Variants in NOCT observed in about 807,000 individuals in gnomAD.
NOCT encodes the protein CCR4 carbon catabolite repression 4-like.
Under a neutral mutation model 35.0 loss-of-function variants are expected in NOCT, and 18 were observed. That is an observed-to-expected ratio of 0.51 (90% CI 0.36 to 0.76). NOCT has a LOEUF of 0.76. Among genes scored for constraint, NOCT ranks in the 30% least tolerant of loss-of-function variants. NOCT has a pLI of 0.01. For synonymous variants in NOCT, 235 were observed against 226.3 expected, an observed-to-expected ratio of 1.04 and a Z score of -0.34; for missense variants, 479 against 541.0, an observed-to-expected ratio of 0.89 and a Z score of 1.14.
intron 1 of NOCT, among the ~76,000 whole-genome samples, chr4:139,021,522 A>G (rs988300727): frequency 5.9e-5 from 9 of 152,096 alleles, no homozygotes; most frequent in Non-Finnish European, 1.3e-4. Context: ...CAAAGAAAAA[A>G]AAAAGGGAAG....
At chr4:139,017,227 T>C (rs1325614801) in intron 1 of NOCT, among the ~76,000 whole-genome samples, 2 of 142,394 alleles carry the variant, frequency 1.4e-5, no homozygotes, top group African/African-American at 2.7e-5. Flanking sequence ...ATACATAACT[T>C]TTTTTTTTTT....
chr4:139,023,607 T>A (rs940955284), intron 1 of NOCT, among the ~76,000 whole-genome samples: 1 of 152,178 alleles, frequency 6.6e-6, no homozygotes, highest in Non-Finnish European at 1.5e-5. Flanking sequence ...GCGATTCTCC[T>A]GCCTCAGCCT....
chr4:139,029,724 C>T (rs1019714959), intron 1 of NOCT, among the ~76,000 whole-genome samples: 5 of 152,098 alleles, frequency 3.3e-5, no homozygotes, highest in East Asian at 1.9e-4. Context: ...ACTTAGAATC[C>T]AGTCTCTAGG....
At chr4:139,023,458 G>A (rs757443339) in intron 1 of NOCT, among the ~76,000 whole-genome samples, 1 of 152,124 alleles carries the variant, frequency 6.6e-6, no homozygotes, top group Non-Finnish European at 1.5e-5. Flanking sequence ...AATCTTGTAG[G>A]TCAAATAGAC....
chr4:139,022,666 A>G (rs1397594693), intron 1 of NOCT, among the ~76,000 whole-genome samples: 1 of 152,216 alleles, frequency 6.6e-6, no homozygotes, highest in African/African-American at 2.4e-5. Flanking sequence ...TCCAAAAGTT[A>G]GAGACCACTG....
intron 1 of NOCT, among the ~76,000 whole-genome samples, chr4:139,031,875 G>A (rs561472111): frequency 6.6e-6 from 1 of 152,090 alleles, no homozygotes; most frequent in African/African-American, 2.4e-5. Context: ...ACCACGCCCG[G>A]CTAATTTTTG....
At chr4:139,027,550 A>C (rs975461969) in intron 1 of NOCT, among the ~76,000 whole-genome samples, 1 of 151,678 alleles carries the variant, frequency 6.6e-6, no homozygotes, top group African/African-American at 2.4e-5. Flanking sequence ...CCCAGGCTGG[A>C]GTGCAGTGGC....
chr4:139,032,564 A>C (rs140308715), intron 1 of NOCT, among the ~76,000 whole-genome samples: 2 of 152,358 alleles, frequency 1.3e-5, no homozygotes, highest in East Asian at 3.9e-4. Context: ...TTGTGAGCAG[A>C]AGCCAAATAT....
intron 1 of NOCT, among the ~76,000 whole-genome samples, chr4:139,036,748 TAAC>T (rs1726744480): frequency 6.6e-6 from 1 of 152,114 alleles, no homozygotes; most frequent in African/African-American, 2.4e-5. Flanking sequence ...CTCAGTGACT[TAAC>T]AAAACTCAGA....
At chr4:139,026,516 C>T (rs1397204297) in intron 1 of NOCT, among the ~76,000 whole-genome samples, 1 of 151,740 alleles carries the variant, frequency 6.6e-6, no homozygotes, top group Non-Finnish European at 1.5e-5. Flanking sequence ...GTATGTGTCA[C>T]CATGTTTGGC....
intron 1 of NOCT, among the ~76,000 whole-genome samples, chr4:139,018,742 A>G (rs1182648960): frequency 3.3e-5 from 5 of 152,254 alleles, no homozygotes; most frequent in Non-Finnish European, 7.3e-5. Flanking sequence ...AGATTTGCAC[A>G]ATGAAATGGC....
chr4:139,027,967 C>T (rs1292435510), intron 1 of NOCT: 1 of 152,090 alleles, frequency 6.6e-6, no homozygotes, highest in South Asian at 2.1e-4. Context: ...GGGTCACAGT[C>T]GGTAGATCCC....
intron 1 of NOCT, among the ~76,000 whole-genome samples, chr4:139,034,107 G>A (rs925402946): frequency 6.6e-6 from 1 of 152,180 alleles, no homozygotes; most frequent in Admixed American, 6.5e-5. Flanking sequence ...CAAAGGGCTG[G>A]CATCTGGTAA....
chr4:139,043,606 G>A (rs1278721786), intron 2 of NOCT: 11 of 360,374 alleles, frequency 3.1e-5, no homozygotes, highest in East Asian at 9.8e-5. Flanking sequence ...AATAAACCAC[G>A]AGTTACTTGC....
intron 1 of NOCT, among the ~76,000 whole-genome samples, chr4:139,025,151 A>T (rs1416859066): frequency 6.6e-6 from 1 of 152,068 alleles, no homozygotes; most frequent in Admixed American, 6.6e-5. Context: ...TAAGGCTATC[A>T]CCCATTTTCT....
chr4:139,032,685 T>C (rs1005859842), intron 1 of NOCT, among the ~76,000 whole-genome samples: 3 of 152,142 alleles, frequency 2.0e-5, no homozygotes, highest in African/African-American at 7.2e-5. Context: ...CTTTTCAGTA[T>C]CTTAATTGCC....
intron 1 of NOCT, among the ~76,000 whole-genome samples, chr4:139,039,745 T>C (rs142569706): frequency 1.3e-5 from 2 of 152,348 alleles, no homozygotes; most frequent in Non-Finnish European, 2.9e-5. Flanking sequence ...TTGTTTTGTT[T>C]TGAGATGGAG....
At chr4:139,021,522 A>T (rs988300727) in intron 1 of NOCT, among the ~76,000 whole-genome samples, 5 of 152,214 alleles carry the variant, frequency 3.3e-5, no homozygotes, top group Non-Finnish European at 4.4e-5. Context: ...CAAAGAAAAA[A>T]AAAAGGGAAG....
intron 1 of NOCT, among the ~76,000 whole-genome samples, chr4:139,041,533 A>T (rs896777002): frequency 3.9e-5 from 6 of 152,240 alleles, no homozygotes; most frequent in Non-Finnish European, 7.3e-5. Flanking sequence ...CTAAAAGAGC[A>T]ATCAACTGCT....
Sources: allele counts gnomAD v4.1 joint callset (sites outside exome capture counted in the v4.1 genomes callset), GRCh38; gene constraint gnomAD v4.1.1; transcripts MANE v1.5; gene names NCBI Gene and HGNC (gene_info 2026-07-23, HGNC 2026-07-21).